The following NAALADL2 variants were observed in gnomAD, a reference collection of about 807,000 sequenced individuals.
The protein encoded by NAALADL2 is N-acetylated alpha-linked acidic dipeptidase like 2, also known as inactive N-acetylated-alpha-linked acidic dipeptidase-like protein 2.
NAALADL2 carries 76 observed loss-of-function variants against 87.2 expected under a neutral mutation model. The observed-to-expected ratio is 0.87, with a 90% confidence interval of 0.72 to 1.05. The LOEUF (loss-of-function observed/expected upper bound fraction) is 1.05, where lower values mean the gene tolerates loss of function less well. NAALADL2 is among the 50% of genes least tolerant of loss of function. NAALADL2 has a pLI of 0.00. For synonymous variants in NAALADL2, 354 were observed against 331.0 expected (o/e 1.07, Z -0.75); for missense variants, 1,089 against 945.8 (o/e 1.15, Z -1.99).
intron 5 of NAALADL2, among the ~76,000 whole-genome samples, chr3:175,436,421 G>A (rs1402613819): frequency 2.0e-4 from 30 of 147,190 alleles, no homozygotes; most frequent in East Asian, 4.3e-4. Context: ...CTGAGGAATC[G>A]CCACACTGAC....
intron 11 of NAALADL2, among the ~76,000 whole-genome samples, chr3:175,688,572 G>T (rs1483522696): frequency 1.3e-5 from 2 of 152,108 alleles, no homozygotes; most frequent in Admixed American, 1.3e-4. Context: ...TCATGGAAGG[G>T]TGCACAGTCC....
intron 2 of NAALADL2, chr3:175,115,198 A>G (rs1286425320): frequency 6.6e-6 from 1 of 151,674 alleles, no homozygotes; most frequent in Non-Finnish European, 1.5e-5. Context: ...TCCTAGATAT[A>G]TAATTTTTGC....
In NAALADL2 at chr3:175,524,882, G is replaced by A. The variant is rs542144149; in HGVS notation, c.1654-51159G>A. On this transcript the variant is annotated intron_variant, in intron 9 of 13. Coordinates refer to ENST00000454872, the MANE Select transcript of NAALADL2 (RefSeq NM_207015.3). ...TTAAAAGCAAGATAATTACATATAT[G>A]TTAACAAGTGGCCTAGCTACATAAA... is the stretch of plus-strand genomic sequence containing the variant. 4.6e-5 allele frequency among the ~76,000 whole-genome samples: 7 copies of A among 152,190 alleles called. No individual in the cohort carries two copies. The South Asian group carries it at 1.4e-3, about 31-fold the overall frequency.
Position 175,803,164 on chromosome 3 carries a change from A to T in NAALADL2, c.2349A>T (p.Gly783=). Residue 783 remains glycine (G), a synonymous_variant, in exon 14 of 14, where the codon GGA becomes GGT. Coordinates refer to ENST00000454872, the MANE Select transcript of NAALADL2 (RefSeq NM_207015.3). ...CAGCTCAGGTTTACTTCAAAGCAGG[A>T]CTTGATGTGTTCAAGAGTGTCTTGG... ...INSAQVYFKA[G]LDVFKSVLDG... is the part of the protein sequence containing the mutation. The T allele has an allele frequency of 6.2e-7, 1 of 1,611,852 alleles. No individual in the cohort carries two copies. The highest frequency in any genetic ancestry group is 1.1e-5 in the South Asian group (1 of 91,036).
chr3:175,423,864 T>A (rs527356056), intron 5 of NAALADL2, among the ~76,000 whole-genome samples: 638 of 152,322 alleles, frequency 4.2e-3, no homozygotes, highest in South Asian at 0.013. Flanking sequence ...ATGGTTGAAC[T>A]AGTTTACAGT....
rs969239950 is a variant in NAALADL2 at position 175,463,384 on chromosome 3, A to C, written c.1235-17A>C. 6.7e-7 allele frequency: 1 copy of C among 1,483,198 alleles called. No individual in the cohort carries two copies. The highest frequency in any genetic ancestry group is 1.4e-5 in the African/African-American group (1 of 70,406). The allele number at this position is 1,483,198 out of a possible 1,614,324, so 91.9% of individuals were successfully genotyped here. ...AAATATAAAGAAGCAAAAGTCTTTA[A>C]ATTTTTATTTTTTCAGAAATAAGAG... On this transcript the variant is annotated splice_polypyrimidine_tract_variant and intron_variant, in intron 6 of 13. Transcript: ENST00000454872.
intron 5 of NAALADL2, among the ~76,000 whole-genome samples, chr3:175,392,811 A>C (rs1165933428): frequency 6.6e-6 from 1 of 152,138 alleles, no homozygotes; most frequent in Non-Finnish European, 1.5e-5. Context: ...AACCACCCAA[A>C]TTCTTACAGC....
Position 175,718,250 on chromosome 3 carries a change from G to A in NAALADL2, c.1897-19056G>A, listed in dbSNP as rs7647175. ...ATTAGTTGCTGTAACACTGTCCTTC[G>A]GGCGACTGAGGGAGTTTCATATTTT... On this transcript the variant is annotated intron_variant, in intron 11 of 13. Transcript: ENST00000454872. 11,387 of 1,133,926 alleles carry A rather than the reference G, an allele frequency of 0.01. 556 individuals carry two copies. The African/African-American group carries it at 0.13, about 13-fold the overall frequency. 70.2% of individuals were successfully genotyped at this position (1,133,926 alleles called of 1,614,324 possible).
At chr3:174,940,207 T>C (rs1373241767) in intron 1 of NAALADL2, among the ~76,000 whole-genome samples, 7 of 152,152 alleles carry the variant, frequency 4.6e-5, no homozygotes, top group Non-Finnish European at 1.0e-4. Flanking sequence ...TTATTGAGAG[T>C]TTATAACATG....
intron 12 of NAALADL2, among the ~76,000 whole-genome samples, chr3:175,738,359 T>C (rs1744797579): frequency 6.6e-6 from 1 of 152,108 alleles, no homozygotes; most frequent in South Asian, 2.1e-4. Flanking sequence ...GTAATTCTCC[T>C]GCCTCAGCCT....
chr3:175,379,013 C>T (rs538302823), intron 5 of NAALADL2, among the ~76,000 whole-genome samples: 1 of 152,180 alleles, frequency 6.6e-6, no homozygotes, highest in East Asian at 1.9e-4. Flanking sequence ...TTTCAAGTGC[C>T]CAGCTTGTTT....
At chr3:175,179,543 T>A (rs1736168846) in intron 2 of NAALADL2, among the ~76,000 whole-genome samples, 1 of 151,972 alleles carries the variant, frequency 6.6e-6, no homozygotes, top group Non-Finnish European at 1.5e-5. Context: ...GATACTTGCT[T>A]ATTTTATTTC....
chr3:175,480,605 T>C (rs555700668), intron 9 of NAALADL2, among the ~76,000 whole-genome samples: 2 of 152,086 alleles, frequency 1.3e-5, no homozygotes, highest in South Asian at 4.1e-4. Flanking sequence ...ATGAAAGGTA[T>C]TAATTTATCA....
At chr3:174,826,065 A>G (rs1721961495) in intron 3 of NAALADL2, among the ~76,000 whole-genome samples, 1 of 151,834 alleles carries the variant, frequency 6.6e-6, no homozygotes, top group Admixed American at 6.6e-5. Flanking sequence ...CAACAACAAC[A>G]ACAACAACAA....
chr3:174,899,265 G>A (rs1475897136), intron 1 of NAALADL2, among the ~76,000 whole-genome samples: 1 of 152,016 alleles, frequency 6.6e-6, no homozygotes, highest in Non-Finnish European at 1.5e-5. Context: ...AGAGAAATGA[G>A]TAATATATAG....
At chr3:174,643,823 A>G (rs750062186) in intron 2 of NAALADL2, among the ~76,000 whole-genome samples, 9 of 152,226 alleles carry the variant, frequency 5.9e-5, no homozygotes, top group Non-Finnish European at 1.3e-4. Context: ...AGAAGACCTA[A>G]TAATTATAGA....
At chr3:175,721,275 G>T (rs1292267767) in intron 11 of NAALADL2, among the ~76,000 whole-genome samples, 1 of 151,948 alleles carries the variant, frequency 6.6e-6, no homozygotes, top group African/African-American at 2.4e-5. Flanking sequence ...AAGAACAGGG[G>T]AAAAACTCAG....
At chr3:174,905,297 GCAAT>G (rs1732832612) in intron 1 of NAALADL2, among the ~76,000 whole-genome samples, 1 of 151,824 alleles carries the variant, frequency 6.6e-6, no homozygotes, top group Non-Finnish European at 1.5e-5. Flanking sequence ...TGCAGCACAA[GCAAT>G]CAATCATATA....
At chr3:175,056,119 T>G (rs1712107384) in intron 1 of NAALADL2, among the ~76,000 whole-genome samples, 1 of 152,090 alleles carries the variant, frequency 6.6e-6, no homozygotes, top group Non-Finnish European at 1.5e-5. Flanking sequence ...TTTTGCCCAG[T>G]GTCCTCCGGA....
Sources: gnomAD v4.1 joint callset for allele counts (sites outside exome capture counted in the v4.1 genomes callset) on GRCh38, gnomAD v4.1.1 for gene constraint, MANE v1.5 for transcripts, NCBI Gene and HGNC (gene_info 2026-07-23, HGNC 2026-07-21) for gene names.